VEPH1: variants seen among roughly 807,000 people sequenced by gnomAD.
VEPH1 encodes the protein ventricular zone expressed PH domain containing 1.
VEPH1 carries 80 observed loss-of-function variants against 85.2 expected under a neutral mutation model. The ratio of observed to expected loss-of-function variants is 0.94; its 90% confidence interval spans 0.78 to 1.13. VEPH1 has a LOEUF of 1.13. Among genes scored for constraint, VEPH1 ranks in the 50% most tolerant of loss-of-function variants. The pLI is 0.00. For synonymous variants in VEPH1, 297 were observed against 348.0 expected, an observed-to-expected ratio of 0.85 and a Z score of 1.63; for missense variants, 955 against 980.5, an observed-to-expected ratio of 0.97 and a Z score of 0.35.
chr3:157,304,246 A>C (rs1719221489), intron 11 of VEPH1, among the ~76,000 whole-genome samples: 1 of 152,046 alleles, frequency 6.6e-6, no homozygotes. Flanking sequence ...CCTGGGAACT[A>C]TCAAGTGTGT....
chr3:157,366,764 A>AAAC (rs1056205216), intron 7 of VEPH1, among the ~76,000 whole-genome samples: 32 of 152,182 alleles, frequency 2.1e-4, no homozygotes, highest in African/African-American at 4.6e-4. Context: ...CAACAAAAAC[A>AAAC]AACAACAACA....
intron 9 of VEPH1, among the ~76,000 whole-genome samples, chr3:157,349,832 T>A (rs1011624161): frequency 1.2e-4 from 18 of 152,110 alleles, no homozygotes; most frequent in African/African-American, 3.6e-4. Context: ...GTGGAAGACT[T>A]CTACAAGGAA....
intron 12 of VEPH1, among the ~76,000 whole-genome samples, chr3:157,273,588 G>C (rs1386836950): frequency 1.3e-5 from 2 of 152,072 alleles, no homozygotes; most frequent in Non-Finnish European, 2.9e-5. Flanking sequence ...AGGAAGGGAG[G>C]CATAAAATGC....
intron 12 of VEPH1, among the ~76,000 whole-genome samples, chr3:157,275,797 T>C (rs1351020164): frequency 1.3e-5 from 2 of 152,180 alleles, no homozygotes; most frequent in Non-Finnish European, 2.9e-5. Flanking sequence ...GGAATTTCTT[T>C]GTATGTATTT....
At chr3:157,397,180 A>G (rs974444487) in intron 6 of VEPH1, among the ~76,000 whole-genome samples, 1 of 152,204 alleles carries the variant, frequency 6.6e-6, no homozygotes, top group Non-Finnish European at 1.5e-5. Context: ...CATTTATTAA[A>G]TAGGGAATCC....
rs755212170 is a variant in VEPH1, at chr3:157,413,985, C to T, written c.802G>A (p.Ala268Thr). Residue 268 changes from alanine (A) to threonine (T), a missense_variant, in exon 6 of 14, where the codon GCT (alanine) becomes ACT (threonine). Coordinates refer to ENST00000362010, the MANE Select transcript of VEPH1 (RefSeq NM_001167912.2). ...AGCATTGGAAGAAAACTGTTCAAAG[C>T]CACTGGCTCATAGACTGCTATCTCT... ...LIEIAVYEPV[A>T]LNSFLPMLKE... 5.0e-6 allele frequency: 8 copies of T among 1,613,584 alleles called. No individual in the cohort carries two copies. In the Admixed American group the frequency reaches 1.3e-4, roughly 27 times the overall value.
intron 9 of VEPH1, among the ~76,000 whole-genome samples, chr3:157,342,785 C>T (rs1226677641): frequency 6.6e-6 from 1 of 152,176 alleles, no homozygotes; most frequent in Non-Finnish European, 1.5e-5. Flanking sequence ...AAGTAAAGCA[C>T]TCCTCAGCAA....
rs552132882 is a variant in VEPH1 at position 157,430,087 on chromosome 3, G to A, written c.530-1599C>T. ...TAGTTCAAGTCATCAAACAAATGTAGGCAATAATATAAGGAACATTGGTGT... is the reference window on the plus strand; with the variant it reads ...TAGTTCAAGTCATCAAACAAATGTAAGCAATAATATAAGGAACATTGGTGT... On this transcript the variant is annotated intron_variant, in intron 4 of 13. Coordinates refer to ENST00000362010, the MANE Select transcript of VEPH1 (RefSeq NM_001167912.2). 3.3e-5 allele frequency among the ~76,000 whole-genome samples: 5 copies of A among 152,196 alleles called. No individual in the cohort carries two copies. In the East Asian group the frequency reaches 9.6e-4, roughly 29 times the overall value.
chr3:157,282,358 A>G (rs1423757118), intron 12 of VEPH1, among the ~76,000 whole-genome samples: 1 of 152,216 alleles, frequency 6.6e-6, no homozygotes, highest in Non-Finnish European at 1.5e-5. Flanking sequence ...GGCACGTGCC[A>G]TTGCACTCAG....
At chr3:157,281,693 ACAGC>A (rs1716148975) in intron 12 of VEPH1, among the ~76,000 whole-genome samples, 1 of 151,992 alleles carries the variant, frequency 6.6e-6, no homozygotes, top group African/African-American at 2.4e-5. Flanking sequence ...ACACACCACC[ACAGC>A]CAGCTAATTT....
At chr3:157,424,259 T>C (rs922177547) in intron 5 of VEPH1, among the ~76,000 whole-genome samples, 5 of 152,250 alleles carry the variant, frequency 3.3e-5, no homozygotes, top group South Asian at 2.1e-4. Context: ...TTTTGCCTCC[T>C]GCCATGATTC....
intron 12 of VEPH1, among the ~76,000 whole-genome samples, chr3:157,280,173 CTAAG>C (rs1715917861): frequency 6.6e-6 from 1 of 151,954 alleles, no homozygotes; most frequent in Admixed American, 6.6e-5. Flanking sequence ...TTAAAATATA[CTAAG>C]TATTTTATTT....
chr3:157,420,014 C>G (rs945578506), intron 5 of VEPH1, among the ~76,000 whole-genome samples: 2 of 152,084 alleles, frequency 1.3e-5, no homozygotes, highest in Non-Finnish European at 2.9e-5. Flanking sequence ...AAGATCATGT[C>G]CTTTGCAAGG....
chr3:157,306,040 T>G (rs1463187204), intron 11 of VEPH1, among the ~76,000 whole-genome samples: 3 of 152,176 alleles, frequency 2.0e-5, no homozygotes, highest in Non-Finnish European at 4.4e-5. Context: ...TACCAATTCT[T>G]TACTCTTTGA....
chr3:157,452,361 T>C (rs1456831604), intron 4 of VEPH1, among the ~76,000 whole-genome samples: 1 of 152,076 alleles, frequency 6.6e-6, no homozygotes, highest in Non-Finnish European at 1.5e-5. Context: ...TCGGAGCTAG[T>C]TTTTGAAAGT....
intron 6 of VEPH1, among the ~76,000 whole-genome samples, chr3:157,397,584 C>G (rs1033261881): frequency 6.6e-6 from 1 of 152,116 alleles, no homozygotes; most frequent in Non-Finnish European, 1.5e-5. Flanking sequence ...TTTGTGTCCT[C>G]TCTGATTTCC....
At chr3:157,399,868 A>G (rs1467490558) in intron 6 of VEPH1, among the ~76,000 whole-genome samples, 1 of 152,116 alleles carries the variant, frequency 6.6e-6, no homozygotes, top group Non-Finnish European at 1.5e-5. Flanking sequence ...TCTCTCTCTT[A>G]GGTAGATAAT....
At chr3:157,445,733 G>C (rs1321207915) in intron 4 of VEPH1, among the ~76,000 whole-genome samples, 1 of 152,232 alleles carries the variant, frequency 6.6e-6, no homozygotes. Context: ...AGATTGCAGT[G>C]AGCCAAGATC....
intron 7 of VEPH1, among the ~76,000 whole-genome samples, chr3:157,367,559 C>T (rs560088652): frequency 6.6e-6 from 1 of 152,170 alleles, no homozygotes; most frequent in African/African-American, 2.4e-5. Context: ...TAAAAGATGC[C>T]TTTATTTCAA....
Sources: gnomAD v4.1 joint callset for allele counts (sites outside exome capture counted in the v4.1 genomes callset) on GRCh38, gnomAD v4.1.1 for gene constraint, MANE v1.5 for transcripts, NCBI Gene and HGNC (gene_info 2026-07-23, HGNC 2026-07-21) for gene names.